The following CSMD3 variants were observed in gnomAD, a reference collection of about 807,000 sequenced individuals.
CSMD3 encodes CUB and Sushi multiple domains 3, also known as CUB and sushi domain-containing protein 3.
CSMD3 carries 177 observed loss-of-function variants against 435.2 expected under a neutral mutation model. The observed-to-expected ratio is 0.41, with a 90% CI of 0.36 to 0.46. The LOEUF (loss-of-function observed/expected upper bound fraction) is 0.46, where lower values mean the gene tolerates loss of function less well. CSMD3 is among the 20% of genes least tolerant of loss of function. The pLI, the probability that CSMD3 is intolerant of heterozygous loss-of-function variation, is 0.34. For synonymous variants in CSMD3, 1,656 were observed against 1,520.5 expected, an observed-to-expected ratio of 1.09 and a Z score of -2.07; for missense variants, 4,265 against 4,504.6, an observed-to-expected ratio of 0.95 and a Z score of 1.52.
At chr8:112,419,221 G>A (rs1327075313) in intron 32 of CSMD3, among the ~76,000 whole-genome samples, 4 of 152,062 alleles carry the variant, frequency 2.6e-5, no homozygotes, top group South Asian at 2.1e-4. Flanking sequence ...AGTGAGCTGC[G>A]TTATGCTGAT....
Position 112,289,470 on chromosome 8 carries a change from A to G in CSMD3, c.9043T>C (p.Ser3015Pro). 1 of 1,613,272 alleles carries G rather than the reference A, an allele frequency of 6.2e-7. No individual in the cohort carries two copies. Among genetic ancestry groups the G allele is most frequent in the Non-Finnish European group, 8.5e-7 (1 of 1,179,496 alleles). The change falls in exon 57 of 71, where the codon TCT (serine) becomes CCT (proline). Residue 3015 changes from serine (S) to proline (P), a missense_variant. Transcript: ENST00000297405. ...VLSGEKYTFG[S>P]TVHYSCTGKR... The stretch of plus-strand genomic sequence containing the variant: ...CCTGTGCAGGAATAGTGAACAGTAG[A>G]CCCAAAAGTATACTTCTCGCCAGAC...
intron 5 of CSMD3, among the ~76,000 whole-genome samples, chr8:113,059,066 T>C (rs1272853316): frequency 6.6e-6 from 1 of 152,160 alleles, no homozygotes; most frequent in African/African-American, 2.4e-5. Context: ...TGTTTTATTA[T>C]ACATAGCAGA....
intron 27 of CSMD3, among the ~76,000 whole-genome samples, chr8:112,549,645 T>C (rs926776427): frequency 2.4e-4 from 36 of 152,074 alleles, no homozygotes; most frequent in African/African-American, 8.0e-4. Flanking sequence ...GACATTTCAA[T>C]GTTACATTTA....
intron 56 of CSMD3, among the ~76,000 whole-genome samples, 191 bp downstream of exon 56, chr8:112,291,319 T>C (rs1819740873): frequency 6.6e-6 from 1 of 151,978 alleles, no homozygotes; most frequent in Non-Finnish European, 1.5e-5. Context: ...ATTTATCACA[T>C]TAATTTTAAG....
chr8:112,734,286 A>T, intron 13 of CSMD3, among the ~76,000 whole-genome samples: 1 of 151,704 alleles, frequency 6.6e-6, no homozygotes, highest in East Asian at 1.9e-4. Context: ...AGGGAGAGAG[A>T]GAGAAAAGAG....
intron 22 of CSMD3, among the ~76,000 whole-genome samples, chr8:112,605,902 G>A (rs904141640): frequency 6.6e-6 from 1 of 152,048 alleles, no homozygotes; most frequent in Non-Finnish European, 1.5e-5. Context: ...AGCATAATCT[G>A]TCAATCCTGC....
intron 3 of CSMD3, among the ~76,000 whole-genome samples, chr8:113,220,020 A>C (rs1055705313): frequency 2.0e-5 from 3 of 151,536 alleles, no homozygotes; most frequent in African/African-American, 7.3e-5. Context: ...ACGTGAAAAG[A>C]TGTTTCATTT....
intron 2 of CSMD3, among the ~76,000 whole-genome samples, chr8:113,299,799 A>G (rs2093750419): frequency 6.6e-6 from 1 of 152,152 alleles, no homozygotes; most frequent in African/African-American, 2.4e-5. Flanking sequence ...GTTCAAGACC[A>G]GCTTGGCCAA....
At chr8:113,059,471 G>A (rs2088504492) in intron 5 of CSMD3, among the ~76,000 whole-genome samples, 1 of 152,018 alleles carries the variant, frequency 6.6e-6, no homozygotes, top group Non-Finnish European at 1.5e-5. Context: ...TTCTGCATTT[G>A]ATGCAGAACA....
At chr8:113,093,804 A>G (rs2090080291) in intron 5 of CSMD3, among the ~76,000 whole-genome samples, 1 of 152,190 alleles carries the variant, frequency 6.6e-6, no homozygotes, top group Admixed American at 6.5e-5. Flanking sequence ...CGATTTTAAT[A>G]AAACAAAATG....
intron 31 of CSMD3, among the ~76,000 whole-genome samples, chr8:112,474,692 A>G (rs568268457): frequency 6.6e-6 from 1 of 152,288 alleles, no homozygotes; most frequent in East Asian, 1.9e-4. Context: ...TACCTCCAGA[A>G]GAGTTATGAC....
intron 13 of CSMD3, among the ~76,000 whole-genome samples, chr8:112,712,940 C>A (rs1320936883): frequency 2.6e-5 from 4 of 152,242 alleles, no homozygotes; most frequent in African/African-American, 4.8e-5. Flanking sequence ...AAAATAGATT[C>A]TAAGGGGCAG....
At chr8:112,691,489 G>A (rs2076136788) in intron 13 of CSMD3, among the ~76,000 whole-genome samples, 1 of 151,966 alleles carries the variant, frequency 6.6e-6, no homozygotes, top group Non-Finnish European at 1.5e-5. Flanking sequence ...TCCTATTTAA[G>A]TGTTTCATGT....
At chr8:113,041,947 T>C (rs534750572) in intron 5 of CSMD3, among the ~76,000 whole-genome samples, 1 of 152,310 alleles carries the variant, frequency 6.6e-6, no homozygotes, top group African/African-American at 2.4e-5. Flanking sequence ...CCATTTGAAA[T>C]ACTCTATTCT....
At chr8:112,623,895 T>C (rs953129066) in intron 22 of CSMD3, among the ~76,000 whole-genome samples, 4 of 152,034 alleles carry the variant, frequency 2.6e-5, no homozygotes, top group Admixed American at 1.3e-4. Flanking sequence ...AATGAATAGA[T>C]GAGTGAATAA....
chr8:112,631,467 A>G (rs1414163608), intron 22 of CSMD3, among the ~76,000 whole-genome samples: 1 of 152,090 alleles, frequency 6.6e-6, no homozygotes, highest in Non-Finnish European at 1.5e-5. Flanking sequence ...AAATAAGGTA[A>G]TAAATGAATG....
rs759533500 is a variant in CSMD3, at chr8:112,265,523, T to A, written c.9576A>T (p.Gly3192=). 28 of 1,613,456 alleles carry A rather than the reference T, an allele frequency of 1.7e-5. No individual in the cohort carries two copies. The highest frequency in any genetic ancestry group is 2.3e-5 in the Non-Finnish European group (27 of 1,179,572). ...GLRYGDDYVV[G]QNVSYMCQPG... is the part of the protein sequence containing the mutation. ...GCTGGCACATGTAAGAAACATTTTG[T>A]CCAACCACATAATCATCTCCATATC... is the stretch of plus-strand genomic sequence containing the variant. The change falls in exon 60 of 71, where the codon GGA becomes GGT. Residue 3192 remains glycine (G), a synonymous_variant. Transcript: ENST00000297405.
chr8:113,080,567 T>C (rs1231978955), intron 5 of CSMD3, among the ~76,000 whole-genome samples: 1 of 152,114 alleles, frequency 6.6e-6, no homozygotes, highest in Non-Finnish European at 1.5e-5. Context: ...TAGAGGTGTG[T>C]GCAAAATATA....
intron 3 of CSMD3, among the ~76,000 whole-genome samples, chr8:113,198,139 G>C (rs1015073577): frequency 1.3e-5 from 2 of 151,324 alleles, no homozygotes; most frequent in African/African-American, 4.8e-5. Flanking sequence ...ATTCAAGTTG[G>C]TACCAAAATT....
Sources: gnomAD v4.1 joint callset for allele counts (sites outside exome capture counted in the v4.1 genomes callset) on GRCh38, gnomAD v4.1.1 for gene constraint, MANE v1.5 for transcripts, NCBI Gene and HGNC (gene_info 2026-07-23, HGNC 2026-07-21) for gene names.